Variants in PCDHGA4 observed in about 807,000 individuals in gnomAD.
PCDHGA4 encodes protocadherin gamma-A4.
Under a neutral mutation model 54.6 loss-of-function variants are expected in PCDHGA4, and 38 were observed. The observed-to-expected ratio is 0.70, with a 90% CI of 0.54 to 0.91. PCDHGA4 has a LOEUF of 0.91. PCDHGA4 is among the 40% of genes least tolerant of loss of function. The pLI, the probability that PCDHGA4 is intolerant of heterozygous loss-of-function variation, is 0.00. For missense variants in PCDHGA4, 1,298 were observed against 1,220.9 expected (o/e 1.06, Z -0.94); for synonymous variants, 511 against 512.9 (o/e 1.00, Z 0.05).
chr5:141,372,799 A>G (rs1769080872), intron 1 of PCDHGA4: 7 of 1,596,852 alleles, frequency 4.4e-6, no homozygotes, highest in Non-Finnish European at 5.1e-6. Flanking sequence ...AATTCAGGCA[A>G]TTTGCAAAAG....
intron 1 of PCDHGA4, chr5:141,400,718 A>G (rs2094066078): frequency 3.0e-6 from 2 of 671,700 alleles, no homozygotes; most frequent in Non-Finnish European, 5.0e-6. Flanking sequence ...AGCCTTATAG[A>G]TTTACAAAGT....
rs1387919696 is a variant in PCDHGA4 at position 141,384,415 on chromosome 5, TCC to T, written c.2514+26795_2514+26796del. On this transcript the variant is annotated intron_variant, in intron 1 of 3. Coordinates refer to ENST00000571252, the MANE Select transcript of PCDHGA4 (RefSeq NM_018917.4). ...GGGGGCTCCAGTGTCCTCCTATGTC[TCC>T]ATAAACTCTGACACTGGAGTCCTGT... is the stretch of plus-strand genomic sequence containing the variant. The T allele has an allele frequency of 2.5e-6, 4 of 1,613,776 alleles. No homozygotes were observed. In the East Asian group the frequency reaches 8.9e-5, roughly 36 times the overall value.
Position 141,477,068 on chromosome 5 carries a change from C to G in PCDHGA4, c.2515-17739C>G. The G allele has an allele frequency of 6.2e-7, 1 of 1,614,268 alleles. No individual in the cohort carries two copies. Among genetic ancestry groups the G allele is most frequent in the Non-Finnish European group, 8.5e-7 (1 of 1,180,046 alleles). On this transcript the variant is annotated intron_variant, in intron 1 of 3. Coordinates refer to ENST00000571252, the MANE Select transcript of PCDHGA4 (RefSeq NM_018917.4). This position sits in a 1 kb window ranked among gnomAD's most constrained non-coding sequence, Gnocchi z 4.9. ...GCTGGACTTCGAGGACACCAAACTC[C>G]ATGAGATTTACATCCAGGCCAAAGA...
At chr5:141,418,966 C>T (rs754269610) in intron 1 of PCDHGA4, 44 of 1,613,892 alleles carry the variant, frequency 2.7e-5, no homozygotes, top group Non-Finnish European at 3.6e-5. Flanking sequence ...TTGCCCTCTT[C>T]AAAACACGGG....
intron 1 of PCDHGA4, chr5:141,360,456 T>C: frequency 6.2e-7 from 1 of 1,613,990 alleles, no homozygotes; most frequent in Non-Finnish European, 8.5e-7. Flanking sequence ...TGGATTTCGA[T>C]ACTGTCGCTG....
intron 1 of PCDHGA4, chr5:141,413,956 G>A (rs2095696052): frequency 2.5e-6 from 4 of 1,613,366 alleles, no homozygotes; most frequent in African/African-American, 2.7e-5. Flanking sequence ...GAATTTGCCT[G>A]TGGGCACTCA....
chr5:141,371,458 A>G, intron 1 of PCDHGA4: 2 of 1,613,996 alleles, frequency 1.2e-6, no homozygotes. Flanking sequence ...GAATCCCAAC[A>G]TATACAAGAA....
chr5:141,375,700 C>T (rs746996990), intron 1 of PCDHGA4: 9 of 1,614,270 alleles, frequency 5.6e-6, no homozygotes, highest in Middle Eastern at 3.3e-4. Flanking sequence ...ACAGCGGGGA[C>T]CCGCCTCTTA....
Position 141,486,601 on chromosome 5 carries a change from C to A in PCDHGA4, c.2515-8206C>A, listed in dbSNP as rs770685748. On this transcript the variant is annotated intron_variant, in intron 1 of 3. Transcript: ENST00000571252. The surrounding 1 kb of genome is among the most constrained non-coding windows in gnomAD (Gnocchi z 5.0). ...ATCGCCCAGGGGACCTGCTTTGCTCCCTTGCAGCCTCTGACCCAGACTCTG... is the reference window on the plus strand; with the variant it reads ...ATCGCCCAGGGGACCTGCTTTGCTCACTTGCAGCCTCTGACCCAGACTCTG... The A allele has an allele frequency of 1.9e-6, 3 of 1,613,558 alleles. No homozygotes were observed. The highest frequency in any genetic ancestry group is 3.3e-5 in the Admixed American group (2 of 60,026).
At chr5:141,366,402 T>C (rs1465149203) in intron 1 of PCDHGA4, 12 of 1,614,168 alleles carry the variant, frequency 7.4e-6, no homozygotes, top group Non-Finnish European at 1.0e-5. Flanking sequence ...GACCTCACAC[T>C]CTATCTTGTG....
At chr5:141,478,215 T>C (rs764444582) in intron 1 of PCDHGA4, 11 of 1,614,118 alleles carry the variant, frequency 6.8e-6, no homozygotes. Context: ...TCTCTAATCC[T>C]GGTTTCTGTG....
At chr5:141,457,514 CAATT>C (rs1258794594) in intron 1 of PCDHGA4, among the ~76,000 whole-genome samples, 2 of 152,260 alleles carry the variant, frequency 1.3e-5, no homozygotes, top group African/African-American at 4.8e-5. Context: ...AGCTTAAAAA[CAATT>C]AATGAGACTA....
Position 141,490,004 on chromosome 5 carries a change from C to T in PCDHGA4, c.2515-4803C>T. On this transcript the variant is annotated intron_variant, in intron 1 of 3. Coordinates refer to ENST00000571252, the MANE Select transcript of PCDHGA4 (RefSeq NM_018917.4). This position sits in a 1 kb window ranked among gnomAD's most constrained non-coding sequence, Gnocchi z 5.4. ...CTACGTGTGGGAATCCCAGAGAATG[C>T]ACCCATTGGTACTCTGCTGCTCCGC... The T allele has an allele frequency of 1.9e-6, 3 of 1,614,174 alleles. No individual in the cohort carries two copies. Among genetic ancestry groups the T allele is most frequent in the Non-Finnish European group, 2.5e-6 (3 of 1,179,980 alleles).
intron 1 of PCDHGA4, chr5:141,362,628 C>T (rs1366089431): frequency 1.0e-5 from 15 of 1,498,628 alleles, no homozygotes; most frequent in African/African-American, 7.0e-5. Context: ...AGTTCCACTG[C>T]GTATTTCTTT....
chr5:141,430,773 G>A (rs375524585), intron 1 of PCDHGA4: 2 of 1,507,932 alleles, frequency 1.3e-6, no homozygotes, highest in Non-Finnish European at 1.8e-6. Flanking sequence ...ATTCCTGCGC[G>A]ACTGCACCGG....
chr5:141,463,975 C>T lies in PCDHGA4; in HGVS notation c.2515-30832C>T, dbSNP rs145316182. Among the ~76,000 whole-genome samples the T allele has an allele frequency of 1.3e-3, 204 of 151,992 alleles. 1 individual carries two copies. Among genetic ancestry groups the T allele is most frequent in the African/African-American group, 4.8e-3 (198 of 41,474 alleles). The stretch of plus-strand genomic sequence containing the variant: ...TTTTTAAAATAGCTTCATAAAACTC[C>T]ATTGTAAAAACCAGGTGCAGTGGCT... On this transcript the variant is annotated intron_variant, in intron 1 of 3. Transcript: ENST00000571252.
At chr5:141,409,011 A>T in intron 1 of PCDHGA4, 1 of 1,613,974 alleles carries the variant, frequency 6.2e-7, no homozygotes, top group Non-Finnish European at 8.5e-7. Context: ...ACTGACCAGG[A>T]TGAGGGGGTC....
intron 1 of PCDHGA4, chr5:141,375,377 C>CT: frequency 1.2e-6 from 2 of 1,613,940 alleles, no homozygotes; most frequent in South Asian, 2.2e-5. Context: ...AACACCACCT[C>CT]TGTCTACAGA....
chr5:141,491,109 A>G lies in PCDHGA4; in HGVS notation c.2515-3698A>G, dbSNP rs1039906987. 4.3e-6 allele frequency: 7 copies of G among 1,614,074 alleles called. No individual in the cohort carries two copies. The African/African-American group carries it at 9.3e-5, about 22-fold the overall frequency. ...CCCCAGGACTGTTCCTCGTGTCTAC[A>G]CACACTGGTGAGGTGCGCACAGCCC... On this transcript the variant is annotated intron_variant, in intron 1 of 3. Coordinates refer to ENST00000571252, the MANE Select transcript of PCDHGA4 (RefSeq NM_018917.4). The surrounding 1 kb of genome is among the most constrained non-coding windows in gnomAD (Gnocchi z 6.9).
Sources: allele counts gnomAD v4.1 joint callset (sites outside exome capture counted in the v4.1 genomes callset), GRCh38; gene constraint gnomAD v4.1.1; non-coding constraint Gnocchi (gnomAD v3.1); transcripts MANE v1.5; gene names NCBI Gene and HGNC (gene_info 2026-07-23, HGNC 2026-07-21).